The following POLA2 variants were observed in gnomAD, a reference collection of about 807,000 sequenced individuals.
POLA2 encodes the protein DNA polymerase alpha subunit B.
Under a neutral mutation model 82.8 loss-of-function variants are expected in POLA2, and 47 were observed. The ratio of observed to expected loss-of-function variants is 0.57; its 90% confidence interval spans 0.45 to 0.72. The LOEUF (loss-of-function observed/expected upper bound fraction) is 0.72. Among genes scored for constraint, POLA2 ranks in the 30% least tolerant of loss-of-function variants. The probability of loss-of-function intolerance (pLI) is 0.00; values close to 1 mark genes in which losing one functional copy is unlikely to be tolerated. For synonymous variants in POLA2, 287 were observed against 286.8 expected (o/e 1.00, Z -0.01); for missense variants, 634 against 728.1 (o/e 0.87, Z 1.49).
chr11:65,264,023 C>T (rs1279650860), intron 1 of POLA2, among the ~76,000 whole-genome samples: 2 of 152,100 alleles, frequency 1.3e-5, no homozygotes, highest in Non-Finnish European at 2.9e-5. Flanking sequence ...TTCAGTGGCA[C>T]CTTAATGTTT....
At chr11:65,302,983 C>T (rs555679244), downstream of POLA2, among the ~76,000 whole-genome samples, 107 of 152,250 alleles carry the variant, frequency 7.0e-4, 1 homozygote, top group Non-Finnish European at 2.4e-4. Flanking sequence ...ATTGTTGGGA[C>T]TACAGGCATG....
In POLA2 at chr11:65,297,677, G is replaced by A. The variant is rs748276342; in HGVS notation, c.*408G>A. 4.0e-4 allele frequency: 61 copies of A among 154,254 alleles called. No homozygotes were observed. Among genetic ancestry groups the A allele is most frequent in the Non-Finnish European group, 6.6e-4 (46 of 69,180 alleles). The allele number at this position is 154,254 out of a possible 1,614,324, so 9.6% of individuals were successfully genotyped here. ...TTTATTTATTTTGTTTTTAGACGGA[G>A]TCTCGATCTGTCGCCCAGGCTGGAG... On this transcript the variant is annotated 3_prime_UTR_variant, in exon 18 of 18. Transcript: ENST00000265465.
In POLA2 at chr11:65,294,607, C is replaced by T; in HGVS notation, c.1415C>T (p.Thr472Ile). The T allele has an allele frequency of 6.2e-7, 1 of 1,614,136 alleles. No homozygotes were observed. The highest frequency in any genetic ancestry group is 8.5e-7 in the Non-Finnish European group (1 of 1,179,988). Residue 472 changes from threonine to isoleucine, a missense_variant, in exon 15 of 18, where the codon ACA becomes ATA. By Grantham distance (89) the Thr-to-Ile change is moderately conservative. Transcript: ENST00000265465. ...ATAAACGGAGTGATCTTCGGCTTGACATCCACAGATCTGCTTTTCCACCTG... is the reference window on the plus strand; with the variant it reads ...ATAAACGGAGTGATCTTCGGCTTGATATCCACAGATCTGCTTTTCCACCTG... ...LSINGVIFGLTSTDLLFHLGA... is the reference protein window; with the variant it reads ...LSINGVIFGLISTDLLFHLGA...
chr11:65,288,211 G>C (rs1483286890), intron 11 of POLA2, among the ~76,000 whole-genome samples: 2 of 152,124 alleles, frequency 1.3e-5, no homozygotes, highest in African/African-American at 4.8e-5. Flanking sequence ...GGGAGGCTAA[G>C]GCAGGAGAAT....
In POLA2 at chr11:65,297,556, G is replaced by T; in HGVS notation, c.*287G>T. 1 of 294,704 alleles carries T rather than the reference G, an allele frequency of 3.4e-6. No homozygotes were observed. The allele number at this position is 294,704 out of a possible 1,614,324, so 18.3% of individuals were successfully genotyped here. On this transcript the variant is annotated 3_prime_UTR_variant, in exon 18 of 18. Coordinates refer to ENST00000265465, the MANE Select transcript of POLA2 (RefSeq NM_002689.4). ...CACTCAGAAAAGGCGAGAAGGCTTT[G>T]TGATTTTCTACATGAATCAAACACA... is the stretch of plus-strand genomic sequence containing the variant.
At chr11:65,263,839 A>T (rs530707069) in intron 1 of POLA2, among the ~76,000 whole-genome samples, 71 of 152,208 alleles carry the variant, frequency 4.7e-4, no homozygotes, top group African/African-American at 1.7e-3. Context: ...AAAAAAAAAA[A>T]AAGACTTAAG....
At chr11:65,296,226 C>T (rs1949809606) in intron 17 of POLA2, 1 of 455,658 alleles carries the variant, frequency 2.2e-6, no homozygotes, top group Non-Finnish European at 4.1e-6. Context: ...AACGAGAGCC[C>T]AGATGACTAG....
At chr11:65,264,278 A>G (rs542177266) in intron 1 of POLA2, among the ~76,000 whole-genome samples, 42 of 152,286 alleles carry the variant, frequency 2.8e-4, no homozygotes, top group Middle Eastern at 3.4e-3. Flanking sequence ...CATGTTGGGC[A>G]GGCTGATCTC....
chr11:65,263,220 C>T (rs1376918755), intron 1 of POLA2, among the ~76,000 whole-genome samples: 46 of 123,198 alleles, frequency 3.7e-4, no homozygotes, highest in African/African-American at 1.3e-3. Flanking sequence ...CTCTCTCTCT[C>T]TTTTTTTTTT....
chr11:65,303,326 A>T (rs1429256223), downstream of POLA2, among the ~76,000 whole-genome samples: 17 of 135,342 alleles, frequency 1.3e-4, no homozygotes, highest in African/African-American at 4.8e-4. Context: ...TGGGCAACGG[A>T]GTGAGACTCT....
intron 10 of POLA2, among the ~76,000 whole-genome samples, chr11:65,283,464 A>G (rs1181267245): frequency 2.0e-5 from 3 of 152,096 alleles, no homozygotes; most frequent in Non-Finnish European, 4.4e-5. Context: ...GTGAAAACTT[A>G]AAAATAACTT....
chr11:65,294,455 T>C, intron 14 of POLA2, 91 bp from the exon 15 acceptor site: 1 of 1,163,034 alleles, frequency 8.6e-7, no homozygotes, highest in Non-Finnish European at 1.3e-6. Flanking sequence ...CTTTCCGTGG[T>C]CTCCCCAGCC....
intron 1 of POLA2, 92 bp from the exon 2 acceptor site, chr11:65,266,490 T>C: frequency 7.5e-7 from 1 of 1,329,416 alleles, no homozygotes; most frequent in South Asian, 1.2e-5. Flanking sequence ...TGAATAAACA[T>C]TGATGGAGTA....
chr11:65,294,022 G>C (rs1011959897), intron 13 of POLA2, 131 bp from the exon 14 acceptor site: 3 of 776,506 alleles, frequency 3.9e-6, no homozygotes, highest in Non-Finnish European at 7.0e-6. Context: ...TCATAACAGA[G>C]TGCAGTTCTG....
rs766776733 is a variant in POLA2 at position 65,279,622 on chromosome 11, C to G, written c.740C>G (p.Ala247Gly). The change falls in exon 7 of 18, where the codon GCA becomes GGA. Residue 247 changes from alanine to glycine, a missense_variant. Ala to Gly is a moderately conservative substitution (Grantham distance 60). Transcript: ENST00000265465. Reference sequence around the variant, plus strand: ...GCTTTCACTCCTTTGCTAGCCCCAGCACAGGTAAGAGTTGTTCTAATAGTT... The same window carrying G: ...GCTTTCACTCCTTTGCTAGCCCCAGGACAGGTAAGAGTTGTTCTAATAGTT... ...IEAFTPLLAP[A>G]QEPVTLLGQI... The G allele has an allele frequency of 6.8e-6, 11 of 1,608,044 alleles. No individual in the cohort carries two copies. The highest frequency in any genetic ancestry group is 8.5e-6 in the Non-Finnish European group (10 of 1,174,820).
chr11:65,269,577 G>T (rs999009482), intron 4 of POLA2, among the ~76,000 whole-genome samples: 6 of 152,054 alleles, frequency 3.9e-5, no homozygotes, highest in Non-Finnish European at 8.8e-5. Context: ...GATGGGCTCT[G>T]CCCTCAAGAA....
intron 12 of POLA2, among the ~76,000 whole-genome samples, chr11:65,289,428 C>T (rs1266647412): frequency 1.3e-5 from 2 of 152,190 alleles, no homozygotes; most frequent in African/African-American, 4.8e-5. Context: ...GGCCAATACC[C>T]CAAGCTTATA....
intron 4 of POLA2, among the ~76,000 whole-genome samples, chr11:65,274,601 A>G (rs1949557301): frequency 6.6e-6 from 1 of 150,990 alleles, no homozygotes; most frequent in Non-Finnish European, 1.5e-5. Flanking sequence ...CATCGCTTGA[A>G]CCCAGGAGGC....
chr11:65,269,482 G>A (rs1372087223), intron 4 of POLA2, among the ~76,000 whole-genome samples: 1 of 144,408 alleles, frequency 6.9e-6, no homozygotes, highest in African/African-American at 2.6e-5. Context: ...GCGAGACTCC[G>A]TCTCAAAAAA....
Sources: gnomAD v4.1 joint callset for allele counts (sites outside exome capture counted in the v4.1 genomes callset) on GRCh38, gnomAD v4.1.1 for gene constraint, MANE v1.5 for transcripts, NCBI Gene and HGNC (gene_info 2026-07-23, HGNC 2026-07-21) for gene names.